PI4K2B: variants seen among roughly 807,000 people sequenced by gnomAD.
PI4K2B encodes the protein phosphatidylinositol 4-kinase type 2-beta.
Under a neutral mutation model 56.6 loss-of-function variants are expected in PI4K2B, and 46 were observed. That is an observed-to-expected ratio of 0.81 (90% CI 0.64 to 1.04). PI4K2B has a LOEUF of 1.04. PI4K2B is among the 50% of genes least tolerant of loss of function. PI4K2B has a pLI of 0.00. For missense variants in PI4K2B, 556 were observed against 607.7 expected (o/e 0.91, Z 0.89); for synonymous variants, 211 against 223.8 (o/e 0.94, Z 0.51).
chr4:25,270,171 T>A (rs769289588), intron 9 of PI4K2B, among the ~76,000 whole-genome samples: 7 of 152,158 alleles, frequency 4.6e-5, no homozygotes, highest in Non-Finnish European at 1.0e-4. Flanking sequence ...AGTACCAAGT[T>A]CTGTTGTCAA....
At chr4:25,252,124 C>T (rs533845791) in intron 1 of PI4K2B, among the ~76,000 whole-genome samples, 197 bp from the exon 2 acceptor site, 1 of 151,902 alleles carries the variant, frequency 6.6e-6, no homozygotes, top group African/African-American at 2.4e-5. Flanking sequence ...ACTGTGCCCG[C>T]CCCCGCCCCC....
At chr4:25,241,322 A>C (rs1342583832) in intron 1 of PI4K2B, among the ~76,000 whole-genome samples, 1 of 152,266 alleles carries the variant, frequency 6.6e-6, no homozygotes, top group Non-Finnish European at 1.5e-5. Flanking sequence ...ACTATGGTGT[A>C]ACCTGCCCTT....
intron 1 of PI4K2B, among the ~76,000 whole-genome samples, chr4:25,246,168 T>C (rs1715768532): frequency 6.6e-6 from 1 of 151,958 alleles, no homozygotes; most frequent in South Asian, 2.1e-4. Flanking sequence ...AGCAGCAAGA[T>C]TTATTGCAAA....
intron 3 of PI4K2B, among the ~76,000 whole-genome samples, chr4:25,256,082 C>T (rs1168966422): frequency 6.6e-6 from 1 of 152,122 alleles, no homozygotes; most frequent in African/African-American, 2.4e-5. Context: ...CACACCTAGC[C>T]AGCTTTTGTA....
Position 25,277,672 on chromosome 4 carries a change from T to A in PI4K2B, c.*485T>A, listed in dbSNP as rs1246911848. On this transcript the variant is annotated 3_prime_UTR_variant, in exon 10 of 10. Transcript: ENST00000264864. ...TGCCTTAATTTCAAAAGCTGCTATT[T>A]TAGAATTTGAATAAGTACTCCTAAA... 1.3e-5 allele frequency: 2 copies of A among 152,514 alleles called. No homozygotes were observed. The highest frequency in any genetic ancestry group is 2.9e-5 in the Non-Finnish European group (2 of 68,230). 9.4% of individuals were successfully genotyped at this position (152,514 alleles called of 1,614,324 possible).
At chr4:25,251,274 A>G (rs1716038245) in intron 1 of PI4K2B, among the ~76,000 whole-genome samples, 1 of 152,154 alleles carries the variant, frequency 6.6e-6, no homozygotes. Flanking sequence ...TCTTAATGAA[A>G]TAGGAAGCTA....
At chr4:25,263,997 A>T (rs1048540311) in intron 7 of PI4K2B, 148 bp downstream of exon 7, 7 of 490,354 alleles carry the variant, frequency 1.4e-5, no homozygotes, top group Non-Finnish European at 2.6e-5. Context: ...AGGGATGCAA[A>T]TGTATACTAC....
At chr4:25,239,800 C>T (rs313544) in intron 1 of PI4K2B, among the ~76,000 whole-genome samples, 16,532 of 152,264 alleles carry the variant, frequency 0.11, 997 homozygotes, top group South Asian at 0.19. Flanking sequence ...CCTCTCAATC[C>T]CCCCTCTAAA....
chr4:25,258,988 C>T (rs777058859), intron 4 of PI4K2B, 49 bp from the exon 5 acceptor site: 1 of 909,348 alleles, frequency 1.1e-6, no homozygotes, highest in Non-Finnish European at 1.7e-6. Flanking sequence ...AAATATTAAT[C>T]CCCTTGTTCT....
At chr4:25,246,898 G>T (rs966767604) in intron 1 of PI4K2B, among the ~76,000 whole-genome samples, 3 of 152,228 alleles carry the variant, frequency 2.0e-5, no homozygotes, top group African/African-American at 7.2e-5. Flanking sequence ...GGGGCAGGCC[G>T]GCTGCTCCCA....
chr4:25,259,393 A>C (rs150984155), intron 5 of PI4K2B, among the ~76,000 whole-genome samples: 2,077 of 152,272 alleles, frequency 0.014, 26 homozygotes, highest in Middle Eastern at 0.024. Flanking sequence ...GCAGGCTCCT[A>C]GATCAGTTCC....
At position 25,277,146 on chromosome 4, in the gene PI4K2B, C is replaced by T; in HGVS notation, c.1405C>T (p.Gln469Ter). 1 of 1,613,508 alleles carries T rather than the reference C, an allele frequency of 6.2e-7. No homozygotes were observed. The highest frequency in any genetic ancestry group is 8.5e-7 in the Non-Finnish European group (1 of 1,179,582). The stretch of plus-strand genomic sequence containing the variant: ...TGTCCACCTGAGCAATTCCTTTACC[C>T]AGACTGTCAATTGCAGGAAGCCATT... ...RIVHLSNSFT[Q>*]TVNCRKPFFS... The change falls in exon 10 of 10, where the codon CAG becomes TAG. Residue 469 changes from glutamine (Q) to a stop codon, truncating the protein, a stop_gained. Coordinates refer to ENST00000264864, the MANE Select transcript of PI4K2B (RefSeq NM_018323.4). LOFTEE classifies it high-confidence loss of function.
chr4:25,237,958 C>T (rs540296606), intron 1 of PI4K2B, among the ~76,000 whole-genome samples: 20 of 152,266 alleles, frequency 1.3e-4, no homozygotes, highest in South Asian at 1.0e-3. Context: ...AAATCAGGAG[C>T]GCTTAGCTCC....
At chr4:25,266,874 C>T (rs1716680453) in intron 7 of PI4K2B, among the ~76,000 whole-genome samples, 1 of 152,020 alleles carries the variant, frequency 6.6e-6, no homozygotes. Flanking sequence ...AACACTATTG[C>T]CTAGCACAAT....
At chr4:25,246,780 G>T (rs1715803041) in intron 1 of PI4K2B, among the ~76,000 whole-genome samples, 1 of 152,154 alleles carries the variant, frequency 6.6e-6, no homozygotes, top group Admixed American at 6.5e-5. Flanking sequence ...TGGGGAGGCA[G>T]CTAAGGCCCT....
rs1476817538 is a variant in PI4K2B at position 25,277,192 on chromosome 4, T to C, written c.*5T>C. ...CCATTTTTTTCCTCCTGGTAGTAAA[T>C]GTCAGAGTAAGAGAAACAAACTGTT... On this transcript the variant is annotated 3_prime_UTR_variant, in exon 10 of 10. Coordinates refer to ENST00000264864, the MANE Select transcript of PI4K2B (RefSeq NM_018323.4). 4 of 1,609,762 alleles carry C rather than the reference T, an allele frequency of 2.5e-6. 1 individual carries two copies. In the South Asian group the frequency reaches 3.3e-5, roughly 13 times the overall value.
At chr4:25,267,956 T>G (rs1007570851) in intron 7 of PI4K2B, 1 of 629,738 alleles carries the variant, frequency 1.6e-6, no homozygotes, top group Non-Finnish European at 2.0e-6. Context: ...TGCGGTGATA[T>G]GCATCTGTAG....
At chr4:25,240,354 A>G (rs983912998) in intron 1 of PI4K2B, among the ~76,000 whole-genome samples, 1 of 152,230 alleles carries the variant, frequency 6.6e-6, no homozygotes, top group African/African-American at 2.4e-5. Context: ...GGGATTGTAG[A>G]GTAAGGATAG....
At chr4:25,259,520 A>G (rs933441815) in intron 5 of PI4K2B, among the ~76,000 whole-genome samples, 3 of 152,166 alleles carry the variant, frequency 2.0e-5, no homozygotes, top group Non-Finnish European at 2.9e-5. Flanking sequence ...GCTTATTTTG[A>G]CATTATGTAA....
Sources: allele counts gnomAD v4.1 joint callset (sites outside exome capture counted in the v4.1 genomes callset), GRCh38; gene constraint gnomAD v4.1.1; transcripts MANE v1.5; gene names NCBI Gene and HGNC (gene_info 2026-07-23, HGNC 2026-07-21).